The following COX10 variants were observed in gnomAD, a reference collection of about 807,000 sequenced individuals.
The protein encoded by COX10 is cytochrome c oxidase assembly factor heme A:farnesyltransferase COX10.
COX10 carries 27 observed loss-of-function variants against 37.3 expected under a neutral mutation model. The observed-to-expected ratio is 0.72, with a 90% CI of 0.53 to 1.00. The LOEUF (loss-of-function observed/expected upper bound fraction) is 1.00. COX10 is among the 50% of genes least tolerant of loss of function. The pLI, the probability that COX10 is intolerant of heterozygous loss-of-function variation, is 0.00. For missense variants in COX10, 475 were observed against 563.2 expected, an observed-to-expected ratio of 0.84 and a Z score of 1.59; for synonymous variants, 222 against 229.1, an observed-to-expected ratio of 0.97 and a Z score of 0.28.
At chr17:14,191,248 T>C (rs1304817113) in intron 5 of COX10, among the ~76,000 whole-genome samples, 1 of 151,372 alleles carries the variant, frequency 6.6e-6, no homozygotes, top group East Asian at 1.9e-4. Flanking sequence ...ATCATTATCA[T>C]TGTAGAGTTT....
chr17:14,174,735 A>C (rs1348821756), intron 5 of COX10, among the ~76,000 whole-genome samples: 2 of 151,620 alleles, frequency 1.3e-5, no homozygotes, highest in Non-Finnish European at 2.9e-5. Context: ...AGTTTGGCAG[A>C]TTTCAATAAA....
chr17:14,118,785 G>T (rs1027312025), intron 4 of COX10, among the ~76,000 whole-genome samples: 3 of 151,468 alleles, frequency 2.0e-5, no homozygotes, highest in African/African-American at 7.3e-5. Flanking sequence ...TCATTTCTAG[G>T]TATTCTTATC....
chr17:14,189,035 G>C (rs1286137946), intron 5 of COX10, among the ~76,000 whole-genome samples: 2 of 147,680 alleles, frequency 1.4e-5, no homozygotes, highest in Non-Finnish European at 3.0e-5. Context: ...CAGGATTGTA[G>C]TGGTAAAGCC....
intron 5 of COX10, among the ~76,000 whole-genome samples, chr17:14,160,219 T>C (rs1414096934): frequency 1.3e-5 from 2 of 152,210 alleles, no homozygotes; most frequent in African/African-American, 4.8e-5. Flanking sequence ...GCATAGACTT[T>C]CTTTCATTTG....
At chr17:14,162,495 C>G (rs574383270) in intron 5 of COX10, among the ~76,000 whole-genome samples, 2 of 152,206 alleles carry the variant, frequency 1.3e-5, no homozygotes, top group South Asian at 4.2e-4. Flanking sequence ...AAATGGTGAC[C>G]TATTCTTGAT....
intron 5 of COX10, among the ~76,000 whole-genome samples, chr17:14,189,079 CTTTTTTTTTTTT>C (rs150588459): frequency 4.4e-5 from 5 of 114,154 alleles, no homozygotes; most frequent in African/African-American, 1.6e-4. Context: ...TCATTTTCTT[CTTTTTTTTTTTT>C]TTTTTGAAGA....
chr17:14,193,030 C>T (rs1388869570), intron 6 of COX10, among the ~76,000 whole-genome samples: 4 of 152,190 alleles, frequency 2.6e-5, no homozygotes, highest in Non-Finnish European at 5.9e-5. Flanking sequence ...GCGATTACAC[C>T]TTTACCATGA....
chr17:14,098,713 C>T lies in COX10; in HGVS notation c.500-3405C>T, dbSNP rs992201372. Among the ~76,000 whole-genome samples the T allele has an allele frequency of 1.4e-4, 22 of 152,072 alleles. No individual in the cohort carries two copies. The East Asian group carries it at 1.7e-3, about 12-fold the overall frequency. On this transcript the variant is annotated intron_variant, in intron 3 of 6. Coordinates refer to ENST00000261643, the MANE Select transcript of COX10 (RefSeq NM_001303.4). Reference sequence around the variant, plus strand: ...TTGGCACAAGGGTAAAATATACCTGCGACTACTGTTTTCAGAGTCAGTAAT... The same window carrying T: ...TTGGCACAAGGGTAAAATATACCTGTGACTACTGTTTTCAGAGTCAGTAAT...
intron 6 of COX10, among the ~76,000 whole-genome samples, chr17:14,194,831 TTAGG>T (rs1211273692): frequency 6.6e-6 from 1 of 152,206 alleles, no homozygotes; most frequent in African/African-American, 2.4e-5. Flanking sequence ...CATCCCTTGT[TTAGG>T]TAGCAGAATG....
rs923981948 is a variant in COX10, at chr17:14,069,538, C to T, written c.-68C>T. The T allele has an allele frequency of 3.8e-6, 6 of 1,586,522 alleles. No homozygotes were observed. The highest frequency in any genetic ancestry group is 3.7e-4 in the Middle Eastern group (2 of 5,386). On this transcript the variant is annotated 5_prime_UTR_variant, in exon 1 of 7. Coordinates refer to ENST00000261643, the MANE Select transcript of COX10 (RefSeq NM_001303.4). ...ACAGGGGGGCGGGGAAGGAAGATGG[C>T]GGCGCCCAGCGTCCCGTGAGGAGAG...
rs1413872062 is a variant in COX10 at position 14,207,931 on chromosome 17, CT to C, written c.*719del. On this transcript the variant is annotated 3_prime_UTR_variant, in exon 7 of 7. Transcript: ENST00000261643. ...TATAGTTCACGTTAACATATAGACACTGTTGGAAGCAGTTCCTTCTAAAAGG... is the reference window on the plus strand; with the variant it reads ...TATAGTTCACGTTAACATATAGACACGTTGGAAGCAGTTCCTTCTAAAAGG... 1 of 152,312 alleles carries C rather than the reference CT, an allele frequency of 6.6e-6. No individual in the cohort carries two copies. Among genetic ancestry groups the C allele is most frequent in the Non-Finnish European group, 1.5e-5 (1 of 68,142 alleles). 9.4% of individuals were successfully genotyped at this position (152,312 alleles called of 1,614,324 possible).
chr17:14,156,101 C>T (rs1369211763), intron 4 of COX10, among the ~76,000 whole-genome samples: 1 of 152,178 alleles, frequency 6.6e-6, no homozygotes, highest in Non-Finnish European at 1.5e-5. Context: ...TTCTGTGTGC[C>T]AGGCATCATG....
chr17:14,128,223 A>C (rs1273718682), intron 4 of COX10, among the ~76,000 whole-genome samples: 1 of 152,122 alleles, frequency 6.6e-6, no homozygotes, highest in Admixed American at 6.5e-5. Flanking sequence ...ATTTGTATCT[A>C]CTTTATTATT....
chr17:14,143,503 A>C (rs978942028), intron 4 of COX10, among the ~76,000 whole-genome samples: 1 of 152,174 alleles, frequency 6.6e-6, no homozygotes, highest in African/African-American at 2.4e-5. Context: ...TTGTACTCCC[A>C]ACACAGCATC....
intron 4 of COX10, among the ~76,000 whole-genome samples, chr17:14,156,471 G>A (rs141007603): frequency 0.023 from 3,422 of 151,964 alleles, 55 homozygotes; most frequent in African/African-American, 0.027. Context: ...CTCGTGATCC[G>A]CCCCCCTTGG....
intron 3 of COX10, among the ~76,000 whole-genome samples, chr17:14,088,600 A>T (rs1915463554): frequency 6.6e-6 from 1 of 152,222 alleles, no homozygotes; most frequent in Non-Finnish European, 1.5e-5. Context: ...TTTTGTAAGA[A>T]TGATAATCAC....
At chr17:14,097,692 G>T (rs565745922) in intron 3 of COX10, among the ~76,000 whole-genome samples, 313 of 152,180 alleles carry the variant, frequency 2.1e-3, no homozygotes, top group African/African-American at 7.3e-3. Flanking sequence ...TAAACAAAAT[G>T]AACTTTCTTT....
intron 5 of COX10, among the ~76,000 whole-genome samples, chr17:14,166,207 T>A (rs2856164): frequency 0.99 from 150,429 of 152,338 alleles, 74,298 homozygotes; most frequent in Middle Eastern, 1. Context: ...CATCTAGGAC[T>A]TTGATAGCTA....
At chr17:14,206,691 C>A in intron 6 of COX10, 119 bp from the exon 7 acceptor site, 2 of 1,295,738 alleles carry the variant, frequency 1.5e-6, no homozygotes, top group Non-Finnish European at 2.2e-6. Flanking sequence ...GCGATGAGAG[C>A]ACAGGGTGGC....
Sources: gnomAD v4.1 joint callset for allele counts (sites outside exome capture counted in the v4.1 genomes callset) on GRCh38, gnomAD v4.1.1 for gene constraint, MANE v1.5 for transcripts, NCBI Gene and HGNC (gene_info 2026-07-23, HGNC 2026-07-21) for gene names.